SCHIP1: variants seen among roughly 807,000 people sequenced by gnomAD.
The protein encoded by SCHIP1 is schwannomin-interacting protein 1.
Under a neutral mutation model 29.7 loss-of-function variants are expected in SCHIP1, and 8 were observed. The ratio of observed to expected loss-of-function variants is 0.27; its 90% CI spans 0.16 to 0.49. SCHIP1 has a LOEUF of 0.49. Among genes scored for constraint, SCHIP1 ranks in the 20% least tolerant of loss-of-function variants. The probability of loss-of-function intolerance (pLI) is 0.99; values close to 1 mark genes in which losing one functional copy is unlikely to be tolerated. For missense variants in SCHIP1, 193 were observed against 294.6 expected, an observed-to-expected ratio of 0.66 and a Z score of 2.52; for synonymous variants, 76 against 94.9, an observed-to-expected ratio of 0.80 and a Z score of 1.16.
chr3:159,782,462 T>G, the SCHIP1 span, among the ~76,000 whole-genome samples: 2 of 152,244 alleles, frequency 1.3e-5, no homozygotes, highest in African/African-American at 4.8e-5. Context: ...CTGTTATCTC[T>G]TGGTATGTAA....
chr3:159,495,286 A>C, the SCHIP1 span, among the ~76,000 whole-genome samples: 1 of 152,124 alleles, frequency 6.6e-6, no homozygotes, highest in East Asian at 1.9e-4. Flanking sequence ...GAAATAAAGG[A>C]CATTCAATTA....
the SCHIP1 span, among the ~76,000 whole-genome samples, chr3:159,744,648 G>C: frequency 6.6e-6 from 1 of 152,190 alleles, no homozygotes; most frequent in Admixed American, 6.5e-5. Context: ...TGGTGTTCAT[G>C]GTAACCATTG....
At chr3:159,559,597 TAA>T in the SCHIP1 span, among the ~76,000 whole-genome samples, 1 of 152,208 alleles carries the variant, frequency 6.6e-6, no homozygotes, top group Non-Finnish European at 1.5e-5. Context: ...GTATATCTGC[TAA>T]GTTTCTTTCA....
At chr3:159,749,995 G>T in the SCHIP1 span, among the ~76,000 whole-genome samples, 3 of 151,874 alleles carry the variant, frequency 2.0e-5, no homozygotes, top group African/African-American at 7.3e-5. Flanking sequence ...AGTAATACTA[G>T]CAATAATTCT....
the SCHIP1 span, among the ~76,000 whole-genome samples, chr3:159,505,580 A>G: frequency 1.3e-5 from 2 of 152,132 alleles, no homozygotes; most frequent in Non-Finnish European, 1.5e-5. Context: ...CCATTAACTC[A>G]TCATCTACAT....
the SCHIP1 span, among the ~76,000 whole-genome samples, chr3:159,335,796 A>C: frequency 3.9e-5 from 6 of 152,312 alleles, no homozygotes; most frequent in South Asian, 1.2e-3. Context: ...TAGTGCCGCA[A>C]TAAGCATACG....
At chr3:159,350,637 A>T in the SCHIP1 span, among the ~76,000 whole-genome samples, 1 of 152,136 alleles carries the variant, frequency 6.6e-6, no homozygotes, top group Non-Finnish European at 1.5e-5. Flanking sequence ...AATAAATTTT[A>T]TTGTGTATAT....
At chr3:159,417,415 A>G in the SCHIP1 span, among the ~76,000 whole-genome samples, 1 of 152,224 alleles carries the variant, frequency 6.6e-6, no homozygotes, top group East Asian at 1.9e-4. Context: ...ATCTTTATCC[A>G]TGGTAAGCAT....
chr3:159,675,860 G>T, the SCHIP1 span, among the ~76,000 whole-genome samples: 16 of 152,294 alleles, frequency 1.1e-4, no homozygotes, highest in African/African-American at 3.6e-4. Context: ...GGCCAGGCGT[G>T]GTGGCTCATG....
chr3:159,582,993 A>T, the SCHIP1 span, among the ~76,000 whole-genome samples: 2 of 152,304 alleles, frequency 1.3e-5, no homozygotes, highest in South Asian at 4.1e-4. Flanking sequence ...CTCTTAATAC[A>T]GTATTTTGTT....
chr3:159,738,869 C>T, the SCHIP1 span, among the ~76,000 whole-genome samples: 3 of 152,120 alleles, frequency 2.0e-5, no homozygotes, highest in Admixed American at 6.5e-5. Flanking sequence ...GAGGTAAGAT[C>T]GAATATGGAA....
chr3:159,825,732 T>C, the SCHIP1 span, among the ~76,000 whole-genome samples: 7 of 151,960 alleles, frequency 4.6e-5, no homozygotes, highest in African/African-American at 1.7e-4. Context: ...GCATACAATC[T>C]AGTGGAGCAA....
the SCHIP1 span, among the ~76,000 whole-genome samples, chr3:159,797,426 AG>A: frequency 6.6e-6 from 1 of 152,242 alleles, no homozygotes; most frequent in Non-Finnish European, 1.5e-5. Context: ...CTTATTGTGA[AG>A]AACACATTGG....
At chr3:159,759,199 GAGA>G in the SCHIP1 span, among the ~76,000 whole-genome samples, 2 of 152,164 alleles carry the variant, frequency 1.3e-5, no homozygotes, top group African/African-American at 2.4e-5. Flanking sequence ...AAGTGAAAGT[GAGA>G]AGAAAATAAT....
chr3:159,575,776 CA>C, the SCHIP1 span, among the ~76,000 whole-genome samples: 4 of 152,070 alleles, frequency 2.6e-5, no homozygotes, highest in Admixed American at 2.6e-4. Flanking sequence ...CTTTTAAAGT[CA>C]AAGTTGATCA....
rs1440922016 is a variant in SCHIP1, at chr3:159,842,997, C to CTTTTTTTTTTTTT, written c.30+2786_30+2787insTTTTTTTTTTTTT. Among the ~76,000 whole-genome samples, 522 of 61,604 alleles carry CTTTTTTTTTTTTT rather than the reference C, an allele frequency of 8.5e-3. 105 individuals carry two copies. Among genetic ancestry groups the CTTTTTTTTTTTTT allele is most frequent in the East Asian group, 0.016 (40 of 2,428 alleles). 40.4% of individuals were successfully genotyped at this position (61,604 alleles called of 152,430 possible). A position where few individuals can be genotyped will look rare whatever the true frequency, so the allele number is the denominator to read the frequency against. On this transcript the variant is annotated intron_variant, in intron 1 of 6. Coordinates refer to ENST00000445224, the Ensembl canonical transcript of SCHIP1. ...GCTCTCCAGTTCTATCCCAATATTT[C>CTTTTTTTTTTTTT]TTTCTTTTTTTTTTTTTTTTTTTTT... is the stretch of plus-strand genomic sequence containing the variant.
At chr3:159,787,814 G>T in the SCHIP1 span, among the ~76,000 whole-genome samples, 101,102 of 151,912 alleles carry the variant, frequency 0.67, 34,104 homozygotes, top group East Asian at 0.99. Context: ...GCATTAGTTG[G>T]CCCTTAAGTC....
At chr3:159,433,078 C>T in the SCHIP1 span, among the ~76,000 whole-genome samples, 2 of 152,094 alleles carry the variant, frequency 1.3e-5, no homozygotes, top group East Asian at 1.9e-4. Flanking sequence ...TTTCCTTCAG[C>T]GCACTTGGAA....
chr3:159,419,537 G>A, the SCHIP1 span, among the ~76,000 whole-genome samples: 49 of 152,260 alleles, frequency 3.2e-4, no homozygotes, highest in Non-Finnish European at 5.9e-4. Context: ...GGCTGGGCAC[G>A]TTGACTCACA....
Sources: allele counts gnomAD v4.1 joint callset (sites outside exome capture counted in the v4.1 genomes callset), GRCh38; gene constraint gnomAD v4.1.1; transcripts MANE v1.5; gene names NCBI Gene and HGNC (gene_info 2026-07-23, HGNC 2026-07-21).